Variants in RHBDD1 observed in about 807,000 individuals in gnomAD.
RHBDD1 encodes rhomboid-related protein 4.
RHBDD1 carries 38 observed loss-of-function variants against 36.3 expected under a neutral mutation model. The ratio of observed to expected loss-of-function variants is 1.05; its 90% CI spans 0.81 to 1.37. RHBDD1 has a LOEUF of 1.37. Ranked by LOEUF, RHBDD1 falls within the 40% of genes most tolerant of loss-of-function variation. The probability of loss-of-function intolerance (pLI) is 0.00; values close to 1 mark genes in which losing one functional copy is unlikely to be tolerated. For missense variants in RHBDD1, 393 were observed against 377.6 expected (o/e 1.04, Z -0.34); for synonymous variants, 151 against 136.5 (o/e 1.11, Z -0.74).
upstream of RHBDD1, among the ~76,000 whole-genome samples, chr2:226,832,010 G>A (rs1574703040): frequency 7.6e-6 from 1 of 132,186 alleles, no homozygotes; most frequent in Non-Finnish European, 1.7e-5. Flanking sequence ...CTCTATTTTT[G>A]TTACTTATTT....
chr2:226,916,434 A>G (rs10186145), intron 8 of RHBDD1, among the ~76,000 whole-genome samples: 89,424 of 152,002 alleles, frequency 0.59, 27,090 homozygotes, highest in African/African-American at 0.74. Flanking sequence ...CTGTACACAC[A>G]GGTTTAATCA....
In RHBDD1 at chr2:226,993,319, C is replaced by T. The variant is rs151200891; in HGVS notation, c.857-2112C>T. On this transcript the variant is annotated intron_variant, in intron 8 of 8. Transcript: ENST00000392062. ...CCTGTGGCCTGGAGTCAGGGTGCCA[C>T]GTCGAGCTTGCTTCTGACTCTGCCC... Among the ~76,000 whole-genome samples, 510 of 152,326 alleles carry T rather than the reference C, an allele frequency of 3.3e-3. 3 individuals carry two copies. Among genetic ancestry groups the T allele is most frequent in the African/African-American group, 0.011 (464 of 41,588 alleles).
In RHBDD1 at chr2:226,839,628, G is replaced by A. The variant is rs929465548; in HGVS notation, c.-91+1G>A. On this transcript the variant is annotated splice_donor_variant, in intron 3 of 8. Transcript: ENST00000392062. LOFTEE classifies it low-confidence loss of function (5UTR_SPLICE). The stretch of plus-strand genomic sequence containing the variant: ...AAACGTAATGGTATTAAGAATTCTG[G>A]TAAGTGGGATTCACAAACTTGTTCT... 4 of 152,036 alleles carry A rather than the reference G, an allele frequency of 2.6e-5. No individual in the cohort carries two copies. The South Asian group carries it at 8.3e-4, about 32-fold the overall frequency. 9.4% of individuals were successfully genotyped at this position (152,036 alleles called of 1,614,324 possible).
chr2:226,886,762 A>G (rs950882300), intron 5 of RHBDD1, among the ~76,000 whole-genome samples: 3 of 152,232 alleles, frequency 2.0e-5, no homozygotes, highest in African/African-American at 7.2e-5. Context: ...GATTTTAGAC[A>G]TAAACATTGA....
chr2:226,904,648 G>T (rs1289313374), intron 5 of RHBDD1, among the ~76,000 whole-genome samples: 2 of 152,236 alleles, frequency 1.3e-5, no homozygotes, highest in East Asian at 3.9e-4. Context: ...TCTTTACAAG[G>T]CTCCTGTTTG....
intron 8 of RHBDD1, among the ~76,000 whole-genome samples, chr2:226,960,208 A>G (rs1031715581): frequency 6.6e-6 from 1 of 152,194 alleles, no homozygotes; most frequent in African/African-American, 2.4e-5. Flanking sequence ...TGAGAGTTCG[A>G]GGTCCTCCCT....
chr2:226,851,256 A>G (rs922513902), intron 3 of RHBDD1, among the ~76,000 whole-genome samples: 7 of 151,782 alleles, frequency 4.6e-5, no homozygotes, highest in East Asian at 3.9e-4. Flanking sequence ...TTCTCCATCT[A>G]TGTCTCTGCA....
At chr2:226,839,153 A>G (rs902048196) in intron 2 of RHBDD1, among the ~76,000 whole-genome samples, 1 of 152,190 alleles carries the variant, frequency 6.6e-6, no homozygotes, top group African/African-American at 2.4e-5. Flanking sequence ...TTTATATTGT[A>G]TATGAATGTA....
intron 5 of RHBDD1, chr2:226,869,053 C>T (rs2278301): frequency 0.13 from 54,709 of 428,160 alleles, 5,934 homozygotes; most frequent in African/African-American, 0.42. Flanking sequence ...TTTGAACTTT[C>T]ATCCTGTGAT....
chr2:226,838,227 C>T (rs1317974371), intron 2 of RHBDD1, 73 bp downstream of exon 2: 2 of 152,132 alleles, frequency 1.3e-5, no homozygotes, highest in East Asian at 3.9e-4. Flanking sequence ...TACCATGGCT[C>T]CTGGATATTG....
intron 8 of RHBDD1, among the ~76,000 whole-genome samples, chr2:226,971,196 C>G (rs1953421964): frequency 6.6e-6 from 1 of 152,214 alleles, no homozygotes; most frequent in Admixed American, 6.5e-5. Flanking sequence ...GCCTCTTGCT[C>G]TCATTCACTC....
At chr2:226,844,925 T>A (rs1056297432) in intron 3 of RHBDD1, among the ~76,000 whole-genome samples, 1 of 152,194 alleles carries the variant, frequency 6.6e-6, no homozygotes, top group Admixed American at 6.6e-5. Flanking sequence ...TTTTAGCCAT[T>A]ATTTTTTATG....
intron 3 of RHBDD1, among the ~76,000 whole-genome samples, chr2:226,848,420 A>G (rs1009244319): frequency 6.6e-6 from 1 of 152,210 alleles, no homozygotes; most frequent in Non-Finnish European, 1.5e-5. Context: ...TTGATAGTCA[A>G]AGTGTCATAT....
chr2:226,852,714 A>G (rs1942934586), intron 3 of RHBDD1, among the ~76,000 whole-genome samples: 1 of 152,020 alleles, frequency 6.6e-6, no homozygotes, highest in Non-Finnish European at 1.5e-5. Context: ...ATCTAACTCA[A>G]AATTTATTGC....
At chr2:226,814,482 C>T in the RHBDD1 span, among the ~76,000 whole-genome samples, 8 of 152,016 alleles carry the variant, frequency 5.3e-5, no homozygotes, top group Non-Finnish European at 1.2e-4. Flanking sequence ...GTATGATCAA[C>T]AGGAGAAGTA....
intron 8 of RHBDD1, among the ~76,000 whole-genome samples, chr2:226,992,046 T>C (rs1329801098): frequency 1.3e-5 from 2 of 152,108 alleles, no homozygotes; most frequent in Non-Finnish European, 2.9e-5. Flanking sequence ...TGAGTACATA[T>C]CAGAAACACA....
chr2:226,915,409 A>T (rs1232561277), intron 8 of RHBDD1, among the ~76,000 whole-genome samples: 1 of 152,158 alleles, frequency 6.6e-6, no homozygotes, highest in African/African-American at 2.4e-5. Context: ...CTGGGTCCGG[A>T]TCGCAGGGGT....
intron 3 of RHBDD1, among the ~76,000 whole-genome samples, chr2:226,841,593 T>C (rs922143452): frequency 2.6e-5 from 4 of 152,192 alleles, no homozygotes; most frequent in Non-Finnish European, 5.9e-5. Context: ...CTGAGGATAA[T>C]GGCTTCTAGC....
rs191288382 is a variant in RHBDD1, at chr2:226,960,173, A to G, written c.857-35258A>G. On this transcript the variant is annotated intron_variant, in intron 8 of 8. Coordinates refer to ENST00000392062, the MANE Select transcript of RHBDD1 (RefSeq NM_001167608.3). ...AGCTGTTTTCCAAAGTGCTGGTTCT[A>G]TTTTACATTCTCTCCACCAGTGTTT... 7.9e-5 allele frequency among the ~76,000 whole-genome samples: 12 copies of G among 152,202 alleles called. No individual in the cohort carries two copies. In the East Asian group the frequency reaches 1.9e-3, roughly 25 times the overall value.
Sources: allele counts gnomAD v4.1 joint callset (sites outside exome capture counted in the v4.1 genomes callset), GRCh38; gene constraint gnomAD v4.1.1; transcripts MANE v1.5; gene names NCBI Gene and HGNC (gene_info 2026-07-23, HGNC 2026-07-21).